Variants in PRRT1 observed in about 807,000 individuals in gnomAD.
PRRT1 encodes the protein proline-rich transmembrane protein 1.
In PRRT1, 8 loss-of-function variants were observed where a neutral mutation model predicts 22.6. That is an observed-to-expected ratio of 0.35 (90% CI 0.21 to 0.64). The LOEUF is 0.64. Ranked by LOEUF, PRRT1 falls within the 30% of genes least tolerant of loss-of-function variation. The pLI is 0.69. For synonymous variants in PRRT1, 176 were observed against 203.6 expected (o/e 0.86, Z 1.15); for missense variants, 315 against 444.5 (o/e 0.71, Z 2.62).
At position 32,150,509 on chromosome 6, in the gene PRRT1, C is replaced by A; in HGVS notation, c.417G>T (p.Gln139His). The A allele has an allele frequency of 7.0e-7, 1 of 1,423,290 alleles. No homozygotes were observed. The highest frequency in any genetic ancestry group is 1.6e-5 in the South Asian group (1 of 63,382). The allele number at this position is 1,423,290 out of a possible 1,614,324, so 88.2% of individuals were successfully genotyped here. The change falls in exon 2 of 4, where the codon CAG becomes CAT. Residue 139 changes from glutamine to histidine, a missense_variant. Coordinates refer to ENST00000211413, the MANE Select transcript of PRRT1 (RefSeq NM_030651.4). This position sits in a 1 kb window ranked among gnomAD's most constrained non-coding sequence, Gnocchi z 7.2. ...CCACGAAGCCAGGGGCCTGGGCAGT[C>A]TGGGCTGGCGCCGGCGGGGGCGGGG... ...AAAPPPPAPA[Q>H]TAQAPGFVVP...
chr6:32,151,993 AGGGGGGG>A, upstream of PRRT1: 1 of 99,674 alleles, frequency 1.0e-5, no homozygotes, highest in South Asian at 4.1e-5. Context: ...GAGAGCGGGG[AGGGGGGG>A]AGCTTAAAGG....
At position 32,149,995 on chromosome 6, in the gene PRRT1, T is replaced by G. The variant is rs1337206236; in HGVS notation, c.559-273A>C. 1.9e-5 allele frequency: 10 copies of G among 519,652 alleles called. No homozygotes were observed. Among genetic ancestry groups the G allele is most frequent in the Non-Finnish European group, 3.4e-5 (10 of 298,184 alleles). The allele number at this position is 519,652 out of a possible 1,614,324, so 32.2% of individuals were successfully genotyped here. ...GCTGTCCTGGCCTCAGGTCAGACCT[T>G]CTTTCTTCCCTCCAGACACCTACCA... is the stretch of plus-strand genomic sequence containing the variant. On this transcript the variant is annotated intron_variant, in intron 2 of 3. Transcript: ENST00000211413. This position sits in a 1 kb window ranked among gnomAD's most constrained non-coding sequence, Gnocchi z 8.7.
chr6:32,148,855 G>A lies in PRRT1; in HGVS notation c.*367C>T, dbSNP rs1347574132. ...AGGCGGAGCCTGCCGACCTGGAGGC[G>A]GGGTTTTGTCAGAGCTGGGGCGGTG... On this transcript the variant is annotated 3_prime_UTR_variant, in exon 4 of 4. Coordinates refer to ENST00000211413, the MANE Select transcript of PRRT1 (RefSeq NM_030651.4). The surrounding 1 kb of genome is among the most constrained non-coding windows in gnomAD (Gnocchi z 5.7). 3.6e-6 allele frequency: 2 copies of A among 553,498 alleles called. No homozygotes were observed. Among genetic ancestry groups the A allele is most frequent in the Non-Finnish European group, 6.9e-6 (2 of 290,028 alleles). The allele number at this position is 553,498 out of a possible 1,614,324, so 34.3% of individuals were successfully genotyped here. A position where few individuals can be genotyped will look rare whatever the true frequency, so the allele number is the denominator to read the frequency against.
In PRRT1 at chr6:32,150,643, C is replaced by T; in HGVS notation, c.283G>A (p.Gly95Arg). 1.4e-6 allele frequency: 2 copies of T among 1,404,964 alleles called. No homozygotes were observed. Among genetic ancestry groups the T allele is most frequent in the Non-Finnish European group, 1.8e-6 (2 of 1,084,710 alleles). 87.0% of individuals were successfully genotyped at this position (1,404,964 alleles called of 1,614,324 possible). The change falls in exon 2 of 4, where the codon GGG becomes AGG. Residue 95 changes from glycine to arginine, a missense_variant. This residue lies in a region of PRRT1 where 263 missense variants were observed against 328.5 expected (regional missense o/e 0.80). Coordinates refer to ENST00000211413, the MANE Select transcript of PRRT1 (RefSeq NM_030651.4). The surrounding 1 kb of genome is among the most constrained non-coding windows in gnomAD (Gnocchi z 7.2). The part of the protein sequence containing the change: ...PHHAPPGPAA[G>R]APPPGCATLP... ...GTAGCGCAGCCGGGTGGGGGTGCCCCGGCAGCAGGGCCGGGAGGGGCGTGG... is the reference window on the plus strand; with the variant it reads ...GTAGCGCAGCCGGGTGGGGGTGCCCTGGCAGCAGGGCCGGGAGGGGCGTGG...
rs1019585233 is a variant in PRRT1, at chr6:32,150,036, C to A, written c.559-314G>T. On this transcript the variant is annotated intron_variant, in intron 2 of 3. Coordinates refer to ENST00000211413, the MANE Select transcript of PRRT1 (RefSeq NM_030651.4). This position sits in a 1 kb window ranked among gnomAD's most constrained non-coding sequence, Gnocchi z 7.2. ...ACACCTACCAGGCCTCCCCTACCCCCTTAGTCCCAGGCTTCTCCCACATCC... is the reference window on the plus strand; with the variant it reads ...ACACCTACCAGGCCTCCCCTACCCCATTAGTCCCAGGCTTCTCCCACATCC... 2.6e-5 allele frequency among the ~76,000 whole-genome samples: 4 copies of A among 151,968 alleles called. No homozygotes were observed. The highest frequency in any genetic ancestry group is 7.2e-5 in the African/African-American group (3 of 41,382).
Position 32,150,533 on chromosome 6 carries a change from G to C in PRRT1, c.393C>G (p.Ala131=), listed in dbSNP as rs1783201283. The C allele has an allele frequency of 1.5e-6, 2 of 1,370,462 alleles. No individual in the cohort carries two copies. Among genetic ancestry groups the C allele is most frequent in the East Asian group, 3.0e-5 (1 of 33,088 alleles). 84.9% of individuals were successfully genotyped at this position (1,370,462 alleles called of 1,614,324 possible). The change falls in exon 2 of 4, where the codon GCC becomes GCG. Residue 131 remains alanine, a synonymous_variant. Transcript: ENST00000211413. The surrounding 1 kb of genome is among the most constrained non-coding windows in gnomAD (Gnocchi z 7.2). ...TCTGGGCTGGCGCCGGCGGGGGCGGGGCGGCGGCAGCGGGCGGCGGCGGGG... is the reference window on the plus strand; with the variant it reads ...TCTGGGCTGGCGCCGGCGGGGGCGGCGCGGCGGCAGCGGGCGGCGGCGGGG... ...PLPPPPPAAA[A]PPPPAPAQTA... is the part of the protein sequence containing the mutation.
rs749659799 is a variant in PRRT1, at chr6:32,148,935, G to T, written c.*287C>A. ...AAACCGAGGTTGCTCGGTTGGGGGCGCTACACTTTGAGGGTGAGGGGGCCT... is the reference window on the plus strand; with the variant it reads ...AAACCGAGGTTGCTCGGTTGGGGGCTCTACACTTTGAGGGTGAGGGGGCCT... On this transcript the variant is annotated 3_prime_UTR_variant, in exon 4 of 4. Coordinates refer to ENST00000211413, the MANE Select transcript of PRRT1 (RefSeq NM_030651.4). The surrounding 1 kb of genome is among the most constrained non-coding windows in gnomAD (Gnocchi z 5.7). 13 of 678,726 alleles carry T rather than the reference G, an allele frequency of 1.9e-5. 1 individual carries two copies. In the South Asian group the frequency reaches 2.0e-4, roughly 10 times the overall value. 42.0% of individuals were successfully genotyped at this position (678,726 alleles called of 1,614,324 possible).
intron 1 of PRRT1, 140 bp downstream of exon 1, chr6:32,151,669 C>T (rs1783287675): frequency 3.4e-6 from 2 of 587,450 alleles, no homozygotes; most frequent in Non-Finnish European, 6.1e-6. Context: ...AGGAGGGGGA[C>T]TGGGGGAGTG....
chr6:32,151,999 G>GT, upstream of PRRT1: 1 of 371,720 alleles, frequency 2.7e-6, no homozygotes, highest in Non-Finnish European at 5.4e-6. Context: ...GGGGAGGGGG[G>GT]GAGCTTAAAG....
chr6:32,152,289 C>T (rs1025362162), upstream of PRRT1: 1 of 414,650 alleles, frequency 2.4e-6, no homozygotes, highest in Non-Finnish European at 4.7e-6. Flanking sequence ...CAGGTGCCTC[C>T]AGAGGCAGGT....
In PRRT1 at chr6:32,150,428, G is replaced by A. The variant is rs1297449595; in HGVS notation, c.498C>T (p.Pro166=). 4.6e-6 allele frequency: 7 copies of A among 1,528,614 alleles called. No homozygotes were observed. The South Asian group carries it at 5.0e-5, about 11-fold the overall frequency. 94.7% of individuals were successfully genotyped at this position (1,528,614 alleles called of 1,614,324 possible). ...AAGGCTGCAGCTGCAGGGGGTATCC[G>A]GGCGCTACGTAGCCCCCCAGCGGCA... ...GTLPLGGYVA[P]GYPLQLQPCT... Residue 166 remains proline (P), a synonymous_variant, in exon 2 of 4, where the codon CCC becomes CCT. Coordinates refer to ENST00000211413, the MANE Select transcript of PRRT1 (RefSeq NM_030651.4). The surrounding 1 kb of genome is among the most constrained non-coding windows in gnomAD (Gnocchi z 7.2).
intron 1 of PRRT1, chr6:32,151,179 C>G: frequency 1.5e-6 from 1 of 677,446 alleles, no homozygotes; most frequent in Admixed American, 2.2e-5. Flanking sequence ...ATGCACCCAG[C>G]TCTCACCTGC....
Position 32,148,513 on chromosome 6 carries a change from G to C in PRRT1, c.*709C>G, listed in dbSNP as rs2127375398. 3.3e-6 allele frequency: 1 copy of C among 303,128 alleles called. No homozygotes were observed. The highest frequency in any genetic ancestry group is 2.2e-5 in the African/African-American group (1 of 46,216). The allele number at this position is 303,128 out of a possible 1,614,324, so 18.8% of individuals were successfully genotyped here. ...TTCTGCCCGGCTGCCCAGGGGCTGGGATGGGTGGAAGGGAGTATTTACAGA... is the reference window on the plus strand; with the variant it reads ...TTCTGCCCGGCTGCCCAGGGGCTGGCATGGGTGGAAGGGAGTATTTACAGA... On this transcript the variant is annotated 3_prime_UTR_variant, in exon 4 of 4. Transcript: ENST00000211413. This position sits in a 1 kb window ranked among gnomAD's most constrained non-coding sequence, Gnocchi z 5.7.
chr6:32,152,566 C>T (rs1182432767), upstream of PRRT1, among the ~76,000 whole-genome samples: 1 of 152,132 alleles, frequency 6.6e-6, no homozygotes, highest in African/African-American at 2.4e-5. Context: ...TACATACCTT[C>T]TTCGTCCAGG....
chr6:32,150,342 C>T lies in PRRT1; in HGVS notation c.558+26G>A. 1 of 1,549,096 alleles carries T rather than the reference C, an allele frequency of 6.5e-7. No individual in the cohort carries two copies. Among genetic ancestry groups the T allele is most frequent in the Middle Eastern group, 2.1e-4 (1 of 4,814 alleles). ...TCCTGTATCGCGTCCCCCTCTTTCCCATGTCCCTGTCTGCCCGGCACTCAC... is the reference window on the plus strand; with the variant it reads ...TCCTGTATCGCGTCCCCCTCTTTCCTATGTCCCTGTCTGCCCGGCACTCAC... On this transcript the variant is annotated intron_variant, in intron 2 of 3. Transcript: ENST00000211413. This position sits in a 1 kb window ranked among gnomAD's most constrained non-coding sequence, Gnocchi z 7.2.
chr6:32,152,838 CT>C (rs961230049), upstream of PRRT1: 1 of 151,532 alleles, frequency 6.6e-6, no homozygotes, highest in African/African-American at 2.4e-5. Flanking sequence ...CTTATTGCAT[CT>C]TGGGAGCGCG....
rs752277152 is a variant in PRRT1 at position 32,150,863 on chromosome 6, A to G, written c.63T>C (p.Asn21=). 1 of 1,584,054 alleles carries G rather than the reference A, an allele frequency of 6.3e-7. No individual in the cohort carries two copies. The highest frequency in any genetic ancestry group is 1.2e-5 in the South Asian group (1 of 86,730). The part of the protein sequence containing the change: ...SVPHTSPPPY[N]APQPPAEPPA... ...GGGGTTCGGCTGGAGGCTGAGGGGCATTGTAGGGCGGCGGAGAAGTGTGAG... is the reference window on the plus strand; with the variant it reads ...GGGGTTCGGCTGGAGGCTGAGGGGCGTTGTAGGGCGGCGGAGAAGTGTGAG... Residue 21 remains asparagine (N), a synonymous_variant, in exon 2 of 4, where the codon AAT becomes AAC. Coordinates refer to ENST00000211413, the MANE Select transcript of PRRT1 (RefSeq NM_030651.4). This position sits in a 1 kb window ranked among gnomAD's most constrained non-coding sequence, Gnocchi z 7.2.
chr6:32,152,348 T>A (rs779337296), upstream of PRRT1, among the ~76,000 whole-genome samples: 1 of 152,130 alleles, frequency 6.6e-6, no homozygotes, highest in Non-Finnish European at 1.5e-5. Flanking sequence ...TTCTCCCAAA[T>A]CCTTGGCCCC....
rs1208421339 is a variant in PRRT1, at chr6:32,149,788, C to T, written c.559-66G>A. ...CCTCTCCCAGCCTACCAGCGTTGGG[C>T]GGCTGGCAGAGTGGCTTTAAAAGCA... On this transcript the variant is annotated intron_variant, in intron 2 of 3. Transcript: ENST00000211413. The surrounding 1 kb of genome is among the most constrained non-coding windows in gnomAD (Gnocchi z 8.7). The T allele has an allele frequency of 1.8e-6, 2 of 1,108,598 alleles. No homozygotes were observed. The highest frequency in any genetic ancestry group is 2.5e-6 in the Non-Finnish European group (2 of 794,928). The allele number at this position is 1,108,598 out of a possible 1,614,324, so 68.7% of individuals were successfully genotyped here.
Sources: gnomAD v4.1 joint callset for allele counts (sites outside exome capture counted in the v4.1 genomes callset) on GRCh38, gnomAD v4.1.1 for gene constraint, gnomAD v4.1.1 regional missense constraint, Gnocchi (gnomAD v3.1) non-coding constraint, MANE v1.5 for transcripts, NCBI Gene and HGNC (gene_info 2026-07-23, HGNC 2026-07-21) for gene names.